Variants in PCDHGA6 observed in about 807,000 individuals in gnomAD.
PCDHGA6 encodes the protein protocadherin gamma subfamily A, 6, also known as protocadherin gamma-A6.
In PCDHGA6, 41 loss-of-function variants were observed where a neutral mutation model predicts 60.6. The ratio of observed to expected loss-of-function variants is 0.68; its 90% CI spans 0.53 to 0.88. The LOEUF (loss-of-function observed/expected upper bound fraction) is 0.88, where lower values mean the gene tolerates loss of function less well. Among genes scored for constraint, PCDHGA6 ranks in the 40% least tolerant of loss-of-function variants. The probability of loss-of-function intolerance (pLI) is 0.00; values close to 1 mark genes in which losing one functional copy is unlikely to be tolerated. For missense variants in PCDHGA6, 1,312 were observed against 1,203.0 expected (o/e 1.09, Z -1.34); for synonymous variants, 594 against 524.4 (o/e 1.13, Z -1.81).
intron 1 of PCDHGA6, chr5:141,383,233 G>T: frequency 6.2e-7 from 1 of 1,613,972 alleles, no homozygotes. Flanking sequence ...CCTGATGGAA[G>T]ATAAAATGAA....
At chr5:141,473,375 T>C (rs1433212994) in intron 1 of PCDHGA6, among the ~76,000 whole-genome samples, 1 of 152,192 alleles carries the variant, frequency 6.6e-6, no homozygotes, top group African/African-American at 2.4e-5. Flanking sequence ...AATAGCATGG[T>C]CCCTGCCCTC....
chr5:141,403,553 G>T, intron 1 of PCDHGA6: 6 of 1,613,980 alleles, frequency 3.7e-6, no homozygotes, highest in Non-Finnish European at 5.1e-6. Flanking sequence ...GCGCGCCCTG[G>T]ACAGGGAGGA....
Position 141,491,456 on chromosome 5 carries a change from C to A in PCDHGA6, c.2425-3351C>A. ...TGCAGGCGCCAGGACTCACCCTCCC[C>A]GGACTTCTATAAGCAGTCCAGCCCC... On this transcript the variant is annotated intron_variant, in intron 1 of 3. Coordinates refer to ENST00000517434, the MANE Select transcript of PCDHGA6 (RefSeq NM_018919.3). The surrounding 1 kb of genome is among the most constrained non-coding windows in gnomAD (Gnocchi z 6.9). 1.2e-6 allele frequency: 2 copies of A among 1,614,104 alleles called. No homozygotes were observed.
Position 141,375,991 on chromosome 5 carries a change from C to G in PCDHGA6, c.1908C>G (p.Asp636Glu). The G allele has an allele frequency of 6.2e-7, 1 of 1,613,448 alleles. No homozygotes were observed. The highest frequency in any genetic ancestry group is 8.5e-7 in the Non-Finnish European group (1 of 1,179,896). The change falls in exon 1 of 4, where the codon GAC becomes GAG. Residue 636 changes from aspartate to glutamate, a missense_variant. Asp to Glu is a conservative substitution (Grantham distance 45). Coordinates refer to ENST00000517434, the MANE Select transcript of PCDHGA6 (RefSeq NM_018919.3). Reference sequence around the variant, plus strand: ...CGGCGCGCGCCCTGCTGGACAGAGACGCGCTCAAGCAGAGCCTAGTGGTGG... The same window carrying G: ...CGGCGCGCGCCCTGCTGGACAGAGAGGCGCTCAAGCAGAGCCTAGTGGTGG... ...VRTARALLDR[D>E]ALKQSLVVAV...
chr5:141,494,468 C>G (rs2099754577), intron 1 of PCDHGA6, among the ~76,000 whole-genome samples: 1 of 152,136 alleles, frequency 6.6e-6, no homozygotes, highest in East Asian at 1.9e-4. Context: ...TGCACCTCTT[C>G]CCCCAGTTCC....
chr5:141,400,311 T>A, intron 1 of PCDHGA6: 1 of 1,614,098 alleles, frequency 6.2e-7, no homozygotes, highest in Non-Finnish European at 8.5e-7. Flanking sequence ...CTGGTCTCTG[T>A]GTCAAGTCTG....
intron 1 of PCDHGA6, chr5:141,413,677 G>T (rs539552615): frequency 6.2e-7 from 1 of 1,613,794 alleles, no homozygotes; most frequent in East Asian, 2.2e-5. Flanking sequence ...GGATGTGGGC[G>T]TGAACTCCCT....
At chr5:141,408,645 C>T (rs763904747) in intron 1 of PCDHGA6, 10 of 1,613,890 alleles carry the variant, frequency 6.2e-6, no homozygotes, top group Non-Finnish European at 8.5e-6. Flanking sequence ...TCTGCATCCG[C>T]TGGTACACGA....
chr5:141,490,045 C>G lies in PCDHGA6; in HGVS notation c.2425-4762C>G, dbSNP rs530803072. 6 of 1,614,114 alleles carry G rather than the reference C, an allele frequency of 3.7e-6. No individual in the cohort carries two copies. The highest frequency in any genetic ancestry group is 5.1e-6 in the Non-Finnish European group (6 of 1,180,014). On this transcript the variant is annotated intron_variant, in intron 1 of 3. Coordinates refer to ENST00000517434, the MANE Select transcript of PCDHGA6 (RefSeq NM_018919.3). This position sits in a 1 kb window ranked among gnomAD's most constrained non-coding sequence, Gnocchi z 5.4. ...GCTGCTCCGCCTCAATGCCACTGAT[C>G]CAGACGAGGGCACCAACGGCCAACT...
intron 1 of PCDHGA6, among the ~76,000 whole-genome samples, chr5:141,435,099 TA>T (rs892317840): frequency 2.0e-5 from 3 of 152,260 alleles, no homozygotes; most frequent in African/African-American, 7.2e-5. Context: ...TCTGTTTATC[TA>T]GGGGGGAGAA....
chr5:141,479,021 T>C (rs72790064), intron 1 of PCDHGA6, among the ~76,000 whole-genome samples: 1,892 of 152,352 alleles, frequency 0.012, 20 homozygotes, highest in Non-Finnish European at 0.018. Context: ...TAATTTTCCT[T>C]TGTTTATACA....
chr5:141,460,278 G>C (rs1380767218), intron 1 of PCDHGA6, among the ~76,000 whole-genome samples: 1 of 151,964 alleles, frequency 6.6e-6, no homozygotes, highest in African/African-American at 2.4e-5. Context: ...TTCTTTTATA[G>C]TTTGTATTTC....
At chr5:141,458,870 C>G (rs540373442) in intron 1 of PCDHGA6, among the ~76,000 whole-genome samples, 1 of 152,264 alleles carries the variant, frequency 6.6e-6, no homozygotes, top group South Asian at 2.1e-4. Flanking sequence ...GTAGCTGGGA[C>G]TACAGGCATG....
chr5:141,424,100 G>A (rs1362239131), intron 1 of PCDHGA6: 1 of 832,456 alleles, frequency 1.2e-6, no homozygotes, highest in East Asian at 1.2e-4. Flanking sequence ...TGCTATTACT[G>A]CTAATGTTCA....
At chr5:141,394,416 A>G (rs1220964310) in intron 1 of PCDHGA6, 1 of 1,614,202 alleles carries the variant, frequency 6.2e-7, no homozygotes. Context: ...GGTAACAGCC[A>G]GCGACAGCGG....
At position 141,490,645 on chromosome 5, in the gene PCDHGA6, C is replaced by G; in HGVS notation, c.2425-4162C>G. ...TGCTTACATCCTAGAAAACCGGCCTCCGGGCTCCCTTCTTTGCACTGTGGC... is the reference window on the plus strand; with the variant it reads ...TGCTTACATCCTAGAAAACCGGCCTGCGGGCTCCCTTCTTTGCACTGTGGC... On this transcript the variant is annotated intron_variant, in intron 1 of 3. Transcript: ENST00000517434. The surrounding 1 kb of genome is among the most constrained non-coding windows in gnomAD (Gnocchi z 5.4). 6.2e-7 allele frequency: 1 copy of G among 1,614,220 alleles called. No homozygotes were observed. Among genetic ancestry groups the G allele is most frequent in the Non-Finnish European group, 8.5e-7 (1 of 1,180,022 alleles).
chr5:141,463,814 C>T (rs1359662651), intron 1 of PCDHGA6, among the ~76,000 whole-genome samples: 7 of 152,188 alleles, frequency 4.6e-5, no homozygotes, highest in African/African-American at 1.7e-4. Flanking sequence ...GCTTTTATCA[C>T]ACATTTTGAT....
chr5:141,404,718 C>G (rs747745561), intron 1 of PCDHGA6: 1 of 1,614,072 alleles, frequency 6.2e-7, no homozygotes, highest in Admixed American at 1.7e-5. Context: ...TACCTGGTGA[C>G]CAAGGTGGTG....
At chr5:141,401,936 G>A (rs950687803) in intron 1 of PCDHGA6, among the ~76,000 whole-genome samples, 1 of 152,100 alleles carries the variant, frequency 6.6e-6, no homozygotes, top group African/African-American at 2.4e-5. Flanking sequence ...TTAGAATAAT[G>A]TTTAAGACCA....
Sources: allele counts gnomAD v4.1 joint callset (sites outside exome capture counted in the v4.1 genomes callset), GRCh38; gene constraint gnomAD v4.1.1; non-coding constraint Gnocchi (gnomAD v3.1); transcripts MANE v1.5; gene names NCBI Gene and HGNC (gene_info 2026-07-23, HGNC 2026-07-21).